PDZRN4: variants seen among roughly 807,000 people sequenced by gnomAD.
PDZRN4 encodes PDZ domain containing ring finger 4.
In PDZRN4, 70 loss-of-function variants were observed where a neutral mutation model predicts 99.0. The ratio of observed to expected loss-of-function variants is 0.71; its 90% confidence interval spans 0.58 to 0.86. The LOEUF (loss-of-function observed/expected upper bound fraction) is 0.86, where lower values mean the gene tolerates loss of function less well. Among genes scored for constraint, PDZRN4 ranks in the 40% least tolerant of loss-of-function variants. PDZRN4 has a pLI of 0.00. For missense variants in PDZRN4, 1,474 were observed against 1,331.2 expected (o/e 1.11, Z -1.67); for synonymous variants, 551 against 501.6 (o/e 1.10, Z -1.32).
chr12:41,279,356 TAC>T (rs1951369145), intron 3 of PDZRN4, among the ~76,000 whole-genome samples: 1 of 152,244 alleles, frequency 6.6e-6, no homozygotes, highest in Non-Finnish European at 1.5e-5. Flanking sequence ...TGATTTTGTT[TAC>T]ATGAAGTAGG....
intron 3 of PDZRN4, among the ~76,000 whole-genome samples, chr12:41,243,569 A>G (rs559138545): frequency 6.6e-6 from 1 of 152,180 alleles, no homozygotes; most frequent in African/African-American, 2.4e-5. Context: ...TCTGTATTTA[A>G]AGCCAGATAG....
Position 41,227,806 on chromosome 12 carries a change from A to C in PDZRN4, c.843+33618A>C, listed in dbSNP as rs940461214. ...TCTCCTGTGTGAAGTGTGATAATGAAACAAAATGGCCAAAAGTAGAAATAG... is the reference window on the plus strand; with the variant it reads ...TCTCCTGTGTGAAGTGTGATAATGACACAAAATGGCCAAAAGTAGAAATAG... On this transcript the variant is annotated intron_variant, in intron 3 of 9. Coordinates refer to ENST00000402685, the MANE Select transcript of PDZRN4 (RefSeq NM_001164595.2). Among the ~76,000 whole-genome samples, 5 of 151,776 alleles carry C rather than the reference A, an allele frequency of 3.3e-5. No individual in the cohort carries two copies. The East Asian group carries it at 9.7e-4, about 29-fold the overall frequency.
rs746539768 is a variant in PDZRN4, at chr12:41,188,927, C to T, written c.472C>T (p.Arg158Trp). The T allele has an allele frequency of 5.8e-6, 7 of 1,200,732 alleles. No homozygotes were observed. In the South Asian group the frequency reaches 2.3e-4, roughly 40 times the overall value. 74.4% of individuals were successfully genotyped at this position (1,200,732 alleles called of 1,614,324 possible). Residue 158 changes from arginine (R) to tryptophan (W), a missense_variant, in exon 1 of 10, where the codon CGG becomes TGG. Physicochemically the swap from Arg to Trp is moderately radical, Grantham distance 101. Coordinates refer to ENST00000402685, the MANE Select transcript of PDZRN4 (RefSeq NM_001164595.2). ...GPPGGRWGRG[R>W]GPGPRVLAWR... Reference sequence around the variant, plus strand: ...GCCGGGCGGCCGCTGGGGCCGCGGGCGGGGACCCGGGCCTCGGGTCCTCGC... The same window carrying T: ...GCCGGGCGGCCGCTGGGGCCGCGGGTGGGGACCCGGGCCTCGGGTCCTCGC...
At position 41,418,671 on chromosome 12, in the gene PDZRN4, T is replaced by C. The variant is rs536108220; in HGVS notation, c.844-87785T>C. ...CTTTTCTACCCTGAAATTTCAGAGT[T>C]TGTTGTTATGTAAAACAAAGCAATT... On this transcript the variant is annotated intron_variant, in intron 3 of 9. Transcript: ENST00000402685. Among the ~76,000 whole-genome samples the C allele has an allele frequency of 4.1e-4, 63 of 152,320 alleles. 1 individual carries two copies. Among genetic ancestry groups the C allele is most frequent in the South Asian group, 1.7e-3 (8 of 4,828 alleles).
intron 3 of PDZRN4, among the ~76,000 whole-genome samples, chr12:41,219,094 A>G (rs1349681013): frequency 6.6e-6 from 1 of 152,094 alleles, no homozygotes. Context: ...CTGATTTAAC[A>G]TACATTTAGA....
chr12:41,372,075 TA>T (rs997680145), intron 3 of PDZRN4, among the ~76,000 whole-genome samples: 5 of 152,082 alleles, frequency 3.3e-5, no homozygotes, highest in South Asian at 2.1e-4. Flanking sequence ...GATAGTCTTT[TA>T]AAAAATTTTG....
At chr12:41,368,229 C>G (rs1952016273) in intron 3 of PDZRN4, among the ~76,000 whole-genome samples, 1 of 152,126 alleles carries the variant, frequency 6.6e-6, no homozygotes, top group Non-Finnish European at 1.5e-5. Context: ...TGTTGCCACT[C>G]TGTCCACAGC....
rs200941706 is a variant in PDZRN4, at chr12:41,196,671, G to A, written c.843+2483G>A. Among the ~76,000 whole-genome samples, 12 of 152,078 alleles carry A rather than the reference G, an allele frequency of 7.9e-5. No homozygotes were observed. The East Asian group carries it at 1.9e-3, about 24-fold the overall frequency. Reference sequence around the variant, plus strand: ...AAAAGATCCCTATGTAATCATTAAAGTTAGAAATATTTGATGCTTATCATT... The same window carrying A: ...AAAAGATCCCTATGTAATCATTAAAATTAGAAATATTTGATGCTTATCATT... On this transcript the variant is annotated intron_variant, in intron 3 of 9. Coordinates refer to ENST00000402685, the MANE Select transcript of PDZRN4 (RefSeq NM_001164595.2).
chr12:41,207,319 C>G (rs935563362), intron 3 of PDZRN4, among the ~76,000 whole-genome samples: 2 of 151,672 alleles, frequency 1.3e-5, no homozygotes, highest in African/African-American at 4.8e-5. Flanking sequence ...GATTCCCAGA[C>G]ATACAGCTGG....
intron 3 of PDZRN4, among the ~76,000 whole-genome samples, chr12:41,384,135 T>G (rs1952148061): frequency 6.6e-6 from 1 of 151,940 alleles, no homozygotes; most frequent in African/African-American, 2.4e-5. Context: ...TTTTCTGACT[T>G]TTTTTGAGAC....
chr12:41,474,161 G>A (rs1376312031), intron 3 of PDZRN4, among the ~76,000 whole-genome samples: 1 of 152,146 alleles, frequency 6.6e-6, no homozygotes, highest in Non-Finnish European at 1.5e-5. Flanking sequence ...TCAATGTTAG[G>A]CTGAGGTCTT....
intron 3 of PDZRN4, among the ~76,000 whole-genome samples, chr12:41,330,422 A>C (rs1347281018): frequency 6.6e-6 from 1 of 151,482 alleles, no homozygotes; most frequent in African/African-American, 2.4e-5. Context: ...CAGTATCCTG[A>C]TCTGTAAAAT....
chr12:41,298,081 A>G (rs1951507813), intron 3 of PDZRN4, among the ~76,000 whole-genome samples: 1 of 152,164 alleles, frequency 6.6e-6, no homozygotes, highest in Non-Finnish European at 1.5e-5. Context: ...AAACCAATTT[A>G]TATTTTCTAG....
chr12:41,352,819 CAT>C (rs1427224361), intron 3 of PDZRN4, among the ~76,000 whole-genome samples: 1 of 152,078 alleles, frequency 6.6e-6, no homozygotes, highest in Non-Finnish European at 1.5e-5. Context: ...AATTATAGCA[CAT>C]AGTCTTTATT....
At chr12:41,443,221 A>G (rs910333251) in intron 3 of PDZRN4, among the ~76,000 whole-genome samples, 1 of 152,160 alleles carries the variant, frequency 6.6e-6, no homozygotes, top group East Asian at 1.9e-4. Context: ...TATTGAGTCA[A>G]CAGAGATATT....
intron 3 of PDZRN4, among the ~76,000 whole-genome samples, chr12:41,319,425 G>A (rs1253616082): frequency 6.6e-6 from 1 of 152,090 alleles, no homozygotes; most frequent in Non-Finnish European, 1.5e-5. Flanking sequence ...GGTTCTCAGT[G>A]TTTGTGGCCA....
chr12:41,466,758 T>TG (rs1429034014), intron 3 of PDZRN4, among the ~76,000 whole-genome samples: 1 of 151,702 alleles, frequency 6.6e-6, no homozygotes, highest in East Asian at 1.9e-4. Context: ...AGTGTTTTTT[T>TG]TTTTTTTTTT....
rs562632863 is a variant in PDZRN4, at chr12:41,405,999, C to G, written c.844-100457C>G. 4.6e-5 allele frequency among the ~76,000 whole-genome samples: 7 copies of G among 152,196 alleles called. No homozygotes were observed. The South Asian group carries it at 1.5e-3, about 32-fold the overall frequency. On this transcript the variant is annotated intron_variant, in intron 3 of 9. Transcript: ENST00000402685. ...GGGTTGAAAAACTACCTGTTGAGTA[C>G]TATGCTCACTACCTGGGTGTAATAT...
chr12:41,457,128 T>C (rs1952823054), intron 3 of PDZRN4, among the ~76,000 whole-genome samples: 1 of 152,194 alleles, frequency 6.6e-6, no homozygotes, highest in Non-Finnish European at 1.5e-5. Context: ...ATGAAAATAC[T>C]GTATTTCTCA....
Sources: gnomAD v4.1 joint callset for allele counts (sites outside exome capture counted in the v4.1 genomes callset) on GRCh38, gnomAD v4.1.1 for gene constraint, MANE v1.5 for transcripts, NCBI Gene and HGNC (gene_info 2026-07-23, HGNC 2026-07-21) for gene names.